The following CTNNA2 variants were observed in gnomAD, a reference collection of about 807,000 sequenced individuals.
CTNNA2 encodes catenin alpha-2.
CTNNA2 carries 42 observed loss-of-function variants against 101.0 expected under a neutral mutation model. That is an observed-to-expected ratio of 0.42 (90% CI 0.32 to 0.54). The LOEUF is 0.54. CTNNA2 is among the 20% of genes least tolerant of loss of function. The pLI is 0.14. For synonymous variants in CTNNA2, 450 were observed against 456.4 expected, an observed-to-expected ratio of 0.99 and a Z score of 0.18; for missense variants, 871 against 1,223.1, an observed-to-expected ratio of 0.71 and a Z score of 4.29.
intron 7 of CTNNA2, among the ~76,000 whole-genome samples, chr2:79,932,319 A>G (rs1687504648): frequency 6.6e-6 from 1 of 152,196 alleles, no homozygotes; most frequent in Non-Finnish European, 1.5e-5. Context: ...GATAAAAGGG[A>G]AAGAGGAGCA....
chr2:79,254,219 G>T (rs1293353288), intron 2 of CTNNA2, among the ~76,000 whole-genome samples: 1 of 152,164 alleles, frequency 6.6e-6, no homozygotes, highest in African/African-American at 2.4e-5. Flanking sequence ...TTATATTTCA[G>T]TTTCCCAGAT....
chr2:79,194,709 G>A (rs1673935533), intron 1 of CTNNA2, among the ~76,000 whole-genome samples: 1 of 152,108 alleles, frequency 6.6e-6, no homozygotes, highest in South Asian at 2.1e-4. Context: ...GTGTATATGT[G>A]AGCTCCATCT....
chr2:80,393,473 T>A (rs1186760780), intron 8 of CTNNA2, among the ~76,000 whole-genome samples, 182 bp downstream of exon 8: 1 of 152,140 alleles, frequency 6.6e-6, no homozygotes, highest in Non-Finnish European at 1.5e-5. Context: ...GACGAGCCAG[T>A]TGCAAGCAAG....
intron 2 of CTNNA2, among the ~76,000 whole-genome samples, chr2:79,264,809 T>C (rs1674968969): frequency 6.6e-6 from 1 of 152,146 alleles, no homozygotes; most frequent in Non-Finnish European, 1.5e-5. Flanking sequence ...GAGAAGGTAG[T>C]TCTCAGGAAC....
At chr2:79,561,660 A>G (rs1329332625) in intron 1 of CTNNA2, among the ~76,000 whole-genome samples, 1 of 151,730 alleles carries the variant, frequency 6.6e-6, no homozygotes, top group African/African-American at 2.4e-5. Flanking sequence ...TCTTGTGGAG[A>G]TACCACATGT....
intron 14 of CTNNA2, among the ~76,000 whole-genome samples, chr2:80,588,319 T>C (rs949479368): frequency 3.9e-5 from 6 of 152,222 alleles, no homozygotes; most frequent in African/African-American, 1.4e-4. Flanking sequence ...CACAAAGATA[T>C]GAAAAATGTA....
intron 9 of CTNNA2, among the ~76,000 whole-genome samples, chr2:80,511,042 A>G (rs1185443358): frequency 2.6e-5 from 4 of 152,220 alleles, no homozygotes; most frequent in Non-Finnish European, 5.9e-5. Flanking sequence ...GGCAACTTAC[A>G]AAACAATTGC....
intron 7 of CTNNA2, among the ~76,000 whole-genome samples, chr2:80,389,327 T>C (rs1168063980): frequency 6.8e-6 from 1 of 146,106 alleles, no homozygotes; most frequent in Non-Finnish European, 1.5e-5. Context: ...ACTCAGACTT[T>C]TAAAAAAAAA....
intron 2 of CTNNA2, among the ~76,000 whole-genome samples, chr2:79,735,800 G>A (rs1670831853): frequency 6.6e-6 from 1 of 152,104 alleles, no homozygotes; most frequent in Admixed American, 6.5e-5. Flanking sequence ...CAGTATCAGT[G>A]GGCATGCATC....
At chr2:80,074,208 A>T (rs1698535689) in intron 7 of CTNNA2, among the ~76,000 whole-genome samples, 1 of 151,942 alleles carries the variant, frequency 6.6e-6, no homozygotes. Context: ...GGTTTTAGTC[A>T]AAAAACAACT....
intron 2 of CTNNA2, among the ~76,000 whole-genome samples, chr2:79,225,366 A>C (rs1055512378): frequency 6.6e-4 from 101 of 152,244 alleles, no homozygotes; most frequent in African/African-American, 2.2e-3. Flanking sequence ...AAGGAACCTA[A>C]TTGTCAGCTT....
intron 7 of CTNNA2, among the ~76,000 whole-genome samples, chr2:80,137,589 G>C (rs529041375): frequency 2.6e-5 from 4 of 152,100 alleles, no homozygotes; most frequent in African/African-American, 4.8e-5. Context: ...CTAATGAAAG[G>C]CTAGTTAAGT....
chr2:80,018,771 ACT>A (rs1490771954), intron 7 of CTNNA2, among the ~76,000 whole-genome samples: 1 of 139,272 alleles, frequency 7.2e-6, no homozygotes, highest in Non-Finnish European at 1.5e-5. Flanking sequence ...ACAGGGCGAG[ACT>A]CTGTGTAAAA....
intron 7 of CTNNA2, among the ~76,000 whole-genome samples, chr2:80,375,364 T>C (rs1317777226): frequency 6.6e-6 from 1 of 152,014 alleles, no homozygotes; most frequent in Non-Finnish European, 1.5e-5. Context: ...CTTATAAACC[T>C]GGCTTTGTGT....
At chr2:79,758,237 C>A (rs551460968) in intron 3 of CTNNA2, among the ~76,000 whole-genome samples, 26 of 152,134 alleles carry the variant, frequency 1.7e-4, no homozygotes, top group African/African-American at 5.5e-4. Context: ...GTAATTCAAT[C>A]AAAAATGCAT....
chr2:80,200,147 C>T (rs1431253046), intron 7 of CTNNA2, among the ~76,000 whole-genome samples: 1 of 152,144 alleles, frequency 6.6e-6, no homozygotes, highest in Non-Finnish European at 1.5e-5. Flanking sequence ...CCCATTTTGA[C>T]CCTTGAGAAA....
chr2:79,340,643 C>G (rs184869405), intron 3 of CTNNA2, among the ~76,000 whole-genome samples: 1,614 of 152,078 alleles, frequency 0.011, 35 homozygotes, highest in African/African-American at 0.037. Context: ...ACCGTCCTGG[C>G]TAACACGGTG....
intron 1 of CTNNA2, among the ~76,000 whole-genome samples, chr2:79,516,954 C>T (rs1369496183): frequency 3.3e-5 from 5 of 152,010 alleles, no homozygotes; most frequent in African/African-American, 1.2e-4. Flanking sequence ...TTTCCAGGGG[C>T]TTATTTACTT....
intron 9 of CTNNA2, among the ~76,000 whole-genome samples, chr2:80,426,160 C>T (rs1680970560): frequency 6.6e-6 from 1 of 152,072 alleles, no homozygotes; most frequent in African/African-American, 2.4e-5. Flanking sequence ...GTGGGGCCGA[C>T]CCTGAGGGTA....
Sources: gnomAD v4.1 joint callset for allele counts (sites outside exome capture counted in the v4.1 genomes callset) on GRCh38, gnomAD v4.1.1 for gene constraint, MANE v1.5 for transcripts, NCBI Gene and HGNC (gene_info 2026-07-23, HGNC 2026-07-21) for gene names.